BDH1: variants seen among roughly 807,000 people sequenced by gnomAD.
The protein encoded by BDH1 is D-beta-hydroxybutyrate dehydrogenase, mitochondrial.
In BDH1, 30 loss-of-function variants were observed where a neutral mutation model predicts 33.1. The observed-to-expected ratio is 0.91, with a 90% CI of 0.68 to 1.23. BDH1 has a LOEUF of 1.23. BDH1 is among the 50% of genes most tolerant of loss of function. The pLI is 0.00. For missense variants in BDH1, 443 were observed against 464.4 expected (o/e 0.95, Z 0.42); for synonymous variants, 190 against 183.6 (o/e 1.03, Z -0.28).
intron 5 of BDH1, among the ~76,000 whole-genome samples, chr3:197,524,134 C>T (rs1713846441): frequency 6.6e-6 from 1 of 152,230 alleles, no homozygotes; most frequent in Admixed American, 6.5e-5. Flanking sequence ...GGATGAGCTA[C>T]ACTCGATGTG....
intron 3 of BDH1, among the ~76,000 whole-genome samples, chr3:197,535,417 T>C (rs1428827063): frequency 6.6e-6 from 1 of 152,190 alleles, no homozygotes; most frequent in Admixed American, 6.5e-5. Context: ...AGTATTTCAC[T>C]TGGACTCGGA....
At chr3:197,538,256 G>C (rs944200027) in intron 3 of BDH1, 2 of 456,604 alleles carry the variant, frequency 4.4e-6, no homozygotes, top group African/African-American at 2.0e-5. Flanking sequence ...AGGAGGTAGG[G>C]GTGAATGAGC....
intron 1 of BDH1, among the ~76,000 whole-genome samples, chr3:197,562,183 G>A (rs1036426291): frequency 1.1e-4 from 16 of 152,178 alleles, no homozygotes; most frequent in Admixed American, 9.2e-4. Flanking sequence ...ACGGGTGGCT[G>A]AGCACAGTTT....
At chr3:197,565,015 A>G (rs2567337) in intron 1 of BDH1, among the ~76,000 whole-genome samples, 60,796 of 152,006 alleles carry the variant, frequency 0.4, 12,876 homozygotes, top group African/African-American at 0.51. Context: ...CTCCACCTCC[A>G]AGGTTCAAGC....
At position 197,544,213 on chromosome 3, in the gene BDH1, G is replaced by A. The variant is rs545980983; in HGVS notation, c.83+2148C>T. Among the ~76,000 whole-genome samples the A allele has an allele frequency of 1.8e-4, 28 of 152,162 alleles. No individual in the cohort carries two copies. In the South Asian group the frequency reaches 2.5e-3, roughly 14 times the overall value. On this transcript the variant is annotated intron_variant, in intron 3 of 7. Coordinates refer to ENST00000392379, the MANE Select transcript of BDH1 (RefSeq NM_203314.3). ...CTTCTGTACCTGGGTCCCCCTCCAC[G>A]CTGCCCATACCTTCACCCTACGACA...
Position 197,510,406 on chromosome 3 carries a change from G to A in BDH1, c.*1489C>T, listed in dbSNP as rs1460763480. On this transcript the variant is annotated 3_prime_UTR_variant, in exon 8 of 8. Coordinates refer to ENST00000392379, the MANE Select transcript of BDH1 (RefSeq NM_203314.3). Reference sequence around the variant, plus strand: ...CTGGGGACCCTGCCCCGGGCCGAAAGCCCCCTGGAGGACAGTGGTGTTTGG... The same window carrying A: ...CTGGGGACCCTGCCCCGGGCCGAAAACCCCCTGGAGGACAGTGGTGTTTGG... The A allele has an allele frequency of 2.0e-5, 3 of 152,234 alleles. No individual in the cohort carries two copies. The highest frequency in any genetic ancestry group is 7.2e-5 in the African/African-American group (3 of 41,442). The allele number at this position is 152,234 out of a possible 1,614,324, so 9.4% of individuals were successfully genotyped here.
At chr3:197,572,494 AC>A (rs1353395197) in intron 1 of BDH1, among the ~76,000 whole-genome samples, 2 of 152,174 alleles carry the variant, frequency 1.3e-5, no homozygotes, top group Non-Finnish European at 2.9e-5. Flanking sequence ...ACCTCCCTGT[AC>A]CCAGTTACAG....
At chr3:197,537,358 TG>T (rs1160262639) in intron 3 of BDH1, among the ~76,000 whole-genome samples, 2 of 152,258 alleles carry the variant, frequency 1.3e-5, no homozygotes, top group African/African-American at 4.8e-5. Flanking sequence ...AATTGATTTT[TG>T]TGTGTTATCT....
chr3:197,568,171 C>A (rs573147993), intron 1 of BDH1, among the ~76,000 whole-genome samples: 1 of 152,200 alleles, frequency 6.6e-6, no homozygotes, highest in Non-Finnish European at 1.5e-5. Flanking sequence ...ACAGAGCCAG[C>A]GTGCAGCCTG....
chr3:197,520,543 G>A lies in BDH1; in HGVS notation c.409+2097C>T, dbSNP rs1041235064. ...AAGTGATTCTGCCCCAGAGTCAGGG[G>A]GGCAGGGGACGAGGACCGCCAGCCT... On this transcript the variant is annotated intron_variant, in intron 6 of 7. Coordinates refer to ENST00000392379, the MANE Select transcript of BDH1 (RefSeq NM_203314.3). This position sits in a 1 kb window ranked among gnomAD's most constrained non-coding sequence, Gnocchi z 6.0. Among the ~76,000 whole-genome samples the A allele has an allele frequency of 4.6e-5, 7 of 152,120 alleles. No homozygotes were observed. Among genetic ancestry groups the A allele is most frequent in the Admixed American group, 3.9e-4 (6 of 15,276 alleles).
chr3:197,546,224 C>T (rs1178351392), intron 3 of BDH1, 137 bp downstream of exon 3: 24 of 806,898 alleles, frequency 3.0e-5, no homozygotes, highest in Non-Finnish European at 4.7e-5. Context: ...CTCTGAGTTT[C>T]CTCTGCTGGG....
At chr3:197,545,760 T>C (rs746029992) in intron 3 of BDH1, among the ~76,000 whole-genome samples, 21 of 152,276 alleles carry the variant, frequency 1.4e-4, no homozygotes, top group South Asian at 6.2e-4. Flanking sequence ...GGAAGTTAGC[T>C]GAAGGGGATC....
intron 5 of BDH1, chr3:197,529,113 G>C (rs987650746): frequency 6.6e-6 from 1 of 152,186 alleles, no homozygotes; most frequent in African/African-American, 2.4e-5. Flanking sequence ...TCCCCAGACG[G>C]GTTCTCTTGA....
intron 6 of BDH1, chr3:197,515,644 G>A (rs1256585350): frequency 1.3e-5 from 13 of 985,542 alleles, no homozygotes; most frequent in Non-Finnish European, 1.6e-5. Context: ...AGATGAATGA[G>A]TGTCCACAAA....
At chr3:197,565,943 A>T (rs1717418731) in intron 1 of BDH1, among the ~76,000 whole-genome samples, 1 of 152,262 alleles carries the variant, frequency 6.6e-6, no homozygotes, top group Non-Finnish European at 1.5e-5. Flanking sequence ...GCGTGAGCTG[A>T]TCTAATAAAA....
At chr3:197,518,374 C>CG (rs1260830677) in intron 6 of BDH1, among the ~76,000 whole-genome samples, 3 of 20,288 alleles carry the variant, frequency 1.5e-4, no homozygotes, top group African/African-American at 4.6e-4. Flanking sequence ...CCGACCCCCC[C>CG]CATCAGTCAC....
At chr3:197,543,137 C>A (rs778519437) in intron 3 of BDH1, 45 of 985,312 alleles carry the variant, frequency 4.6e-5, no homozygotes, top group Non-Finnish European at 2.4e-5. Flanking sequence ...CAGCTTTCTG[C>A]TGAGAGGAGC....
At chr3:197,547,149 G>A (rs1315609987) in intron 2 of BDH1, among the ~76,000 whole-genome samples, 2 of 152,148 alleles carry the variant, frequency 1.3e-5, no homozygotes, top group African/African-American at 4.8e-5. Context: ...TGAGGTTAAA[G>A]CAACCTTATT....
chr3:197,540,380 A>C (rs1715504418), intron 3 of BDH1, among the ~76,000 whole-genome samples: 1 of 146,596 alleles, frequency 6.8e-6, no homozygotes, highest in Non-Finnish European at 1.5e-5. Context: ...AAGTAACAAA[A>C]AGGTTGTGGC....
Sources: gnomAD v4.1 joint callset for allele counts (sites outside exome capture counted in the v4.1 genomes callset) on GRCh38, gnomAD v4.1.1 for gene constraint, Gnocchi (gnomAD v3.1) non-coding constraint, MANE v1.5 for transcripts, NCBI Gene and HGNC (gene_info 2026-07-23, HGNC 2026-07-21) for gene names.